The following CNTN6 variants were observed in gnomAD, a reference collection of about 807,000 sequenced individuals.
CNTN6 encodes the protein contactin 6.
In CNTN6, 137 loss-of-function variants were observed where a neutral mutation model predicts 122.8. The observed-to-expected ratio is 1.12, with a 90% CI of 0.97 to 1.29. CNTN6 has a LOEUF of 1.29. Ranked by LOEUF, CNTN6 falls within the 50% of genes most tolerant of loss-of-function variation. The pLI is 0.00. For missense variants in CNTN6, 1,634 were observed against 1,223.4 expected (o/e 1.34, Z -5.01); for synonymous variants, 570 against 426.0 (o/e 1.34, Z -4.16).
intron 5 of CNTN6, among the ~76,000 whole-genome samples, chr3:1,294,734 G>C (rs930914500): frequency 2.0e-5 from 3 of 152,094 alleles, no homozygotes; most frequent in African/African-American, 4.8e-5. Context: ...TTATCGTGCC[G>C]GTTTCAAAAT....
intron 7 of CNTN6, among the ~76,000 whole-genome samples, chr3:1,304,281 G>A (rs1203383723): frequency 8.9e-6 from 1 of 111,774 alleles, no homozygotes; most frequent in African/African-American, 2.9e-5. Context: ...GTTCCAGAAA[G>A]AGGTTTTTTT....
At chr3:1,295,327 C>T (rs1696021244) in intron 5 of CNTN6, among the ~76,000 whole-genome samples, 1 of 152,144 alleles carries the variant, frequency 6.6e-6, no homozygotes, top group African/African-American at 2.4e-5. Context: ...TTAATAAACT[C>T]ATCCACTTAT....
chr3:1,144,248 A>G (rs527333803), intron 1 of CNTN6, among the ~76,000 whole-genome samples: 1 of 152,226 alleles, frequency 6.6e-6, no homozygotes, highest in Admixed American at 6.5e-5. Context: ...GTGCTCTAGA[A>G]TCTTTAAGAG....
chr3:1,184,914 A>G (rs2093607740), intron 2 of CNTN6, among the ~76,000 whole-genome samples: 1 of 152,144 alleles, frequency 6.6e-6, no homozygotes, highest in African/African-American at 2.4e-5. Context: ...AAATTAATTC[A>G]AATATATAAA....
chr3:1,245,231 TATATACACACACAC>T (rs2094550554), intron 4 of CNTN6, among the ~76,000 whole-genome samples: 10 of 10,220 alleles, frequency 9.8e-4, no homozygotes, highest in African/African-American at 1.7e-3. Flanking sequence ...TATATATATA[TATATACACACACAC>T]ATATATATAT....
In CNTN6 at chr3:1,325,865, G is replaced by T. The variant is rs1165219927; in HGVS notation, c.997G>T (p.Asp333Tyr). Residue 333 changes from aspartate (D) to tyrosine (Y), a missense_variant, in exon 9 of 23, where the codon GAC becomes TAC. Physicochemically the swap from Asp to Tyr is radical, Grantham distance 160. Coordinates refer to ENST00000446702, the MANE Select transcript of CNTN6 (RefSeq NM_001289080.2). ...CCAAAATACACACCTCTCTATCTAT[G>T]ACAACTTGCTCTGGGAATGTAAAGC... Reference protein sequence around the residue: ...KIQNTHLSIYDNLLWECKASG... With the variant: ...KIQNTHLSIYYNLLWECKASG... The T allele has an allele frequency of 6.2e-7, 1 of 1,611,920 alleles. No homozygotes were observed. Among genetic ancestry groups the T allele is most frequent in the South Asian group, 1.1e-5 (1 of 91,014 alleles).
chr3:1,125,018 G>A (rs1284825161), intron 1 of CNTN6, among the ~76,000 whole-genome samples: 1 of 151,884 alleles, frequency 6.6e-6, no homozygotes, highest in Non-Finnish European at 1.5e-5. Flanking sequence ...TTGTTTTTAA[G>A]TTATAGAATG....
At chr3:1,302,790 G>T (rs2619491) in intron 7 of CNTN6, among the ~76,000 whole-genome samples, 9,009 of 151,874 alleles carry the variant, frequency 0.059, 923 homozygotes, top group African/African-American at 0.21. Flanking sequence ...TGAGTCTATG[G>T]TTTGGTGTTT....
intron 20 of CNTN6, among the ~76,000 whole-genome samples, chr3:1,400,892 C>G (rs1357631000): frequency 6.6e-6 from 1 of 152,068 alleles, no homozygotes. Flanking sequence ...TCTCCTCAGA[C>G]TCTGCTGCAA....
chr3:1,203,333 G>A (rs2093911510), intron 2 of CNTN6, among the ~76,000 whole-genome samples: 2 of 152,258 alleles, frequency 1.3e-5, no homozygotes, highest in Admixed American at 6.5e-5. Flanking sequence ...CAAGATCCCT[G>A]AGACAGTAAT....
intron 7 of CNTN6, among the ~76,000 whole-genome samples, chr3:1,306,542 G>T (rs1294054003): frequency 6.6e-6 from 1 of 152,148 alleles, no homozygotes; most frequent in South Asian, 2.1e-4. Context: ...GAAAAGTGTG[G>T]ACTTTAAGTT....
intron 12 of CNTN6, among the ~76,000 whole-genome samples, chr3:1,366,967 T>A (rs1304526925): frequency 1.3e-5 from 2 of 152,174 alleles, no homozygotes; most frequent in African/African-American, 4.8e-5. Flanking sequence ...ATCATATCAC[T>A]CCTCTGCTTC....
At chr3:1,391,984 G>C (rs1319394688) in intron 20 of CNTN6, among the ~76,000 whole-genome samples, 1 of 152,198 alleles carries the variant, frequency 6.6e-6, no homozygotes, top group African/African-American at 2.4e-5. Context: ...TACTGCCCAA[G>C]GTAATTTATA....
chr3:1,284,460 C>A (rs1486356156), intron 5 of CNTN6, among the ~76,000 whole-genome samples: 1 of 152,010 alleles, frequency 6.6e-6, no homozygotes, highest in African/African-American at 2.4e-5. Context: ...GGCAGACAGG[C>A]CCAATAGTTG....
At chr3:1,164,784 C>A (rs1403961622) in intron 2 of CNTN6, among the ~76,000 whole-genome samples, 1 of 152,182 alleles carries the variant, frequency 6.6e-6, no homozygotes, top group Admixed American at 6.5e-5. Context: ...CCCTTTTGAA[C>A]CTTACAGAAT....
At chr3:1,192,443 C>T (rs2093715456) in intron 2 of CNTN6, among the ~76,000 whole-genome samples, 1 of 152,018 alleles carries the variant, frequency 6.6e-6, no homozygotes, top group South Asian at 2.1e-4. Flanking sequence ...AAACTGGAGC[C>T]CACATGGACC....
intron 2 of CNTN6, among the ~76,000 whole-genome samples, chr3:1,175,331 C>T (rs1249205193): frequency 1.4e-5 from 2 of 147,942 alleles, no homozygotes; most frequent in African/African-American, 2.5e-5. Context: ...GACTTTCTAA[C>T]TAAAATGTGA....
chr3:1,300,465 A>AAGGAAGGAAGGG (rs776916786), intron 7 of CNTN6, among the ~76,000 whole-genome samples: 1 of 82,610 alleles, frequency 1.2e-5, no homozygotes, highest in African/African-American at 5.6e-5. Context: ...GGAAGGAAGG[A>AAGGAAGGAAGGG]AGGAAGGAAG....
At chr3:1,134,343 G>A (rs9880019) in intron 1 of CNTN6, among the ~76,000 whole-genome samples, 9,250 of 152,132 alleles carry the variant, frequency 0.061, 297 homozygotes, top group Middle Eastern at 0.071. Flanking sequence ...GGGCTGTCAC[G>A]GAGTCCTTTG....
Sources: allele counts gnomAD v4.1 joint callset (sites outside exome capture counted in the v4.1 genomes callset), GRCh38; gene constraint gnomAD v4.1.1; transcripts MANE v1.5; gene names NCBI Gene and HGNC (gene_info 2026-07-23, HGNC 2026-07-21).